TRABD2B: variants seen among roughly 807,000 people sequenced by gnomAD.
The protein encoded by TRABD2B is TraB domain containing 2B, also known as metalloprotease TIKI2.
Under a neutral mutation model 40.1 loss-of-function variants are expected in TRABD2B, and 14 were observed. The ratio of observed to expected loss-of-function variants is 0.35; its 90% CI spans 0.23 to 0.55. TRABD2B has a LOEUF of 0.55. TRABD2B is among the 20% of genes least tolerant of loss of function. TRABD2B has a pLI of 0.90. For synonymous variants in TRABD2B, 263 were observed against 277.0 expected, an observed-to-expected ratio of 0.95 and a Z score of 0.50; for missense variants, 541 against 648.6, an observed-to-expected ratio of 0.83 and a Z score of 1.80.
chr1:47,979,198 G>A (rs971957621), intron 2 of TRABD2B, among the ~76,000 whole-genome samples: 12 of 152,102 alleles, frequency 7.9e-5, no homozygotes, highest in African/African-American at 2.9e-4. Context: ...TGCGGGAAGG[G>A]GGCTTCCTGT....
At chr1:47,786,716 T>G (rs75059597) in intron 4 of TRABD2B, among the ~76,000 whole-genome samples, 1 of 150,856 alleles carries the variant, frequency 6.6e-6, no homozygotes, top group Non-Finnish European at 1.5e-5. Context: ...ATTTGTTTTG[T>G]TTTTTTTTAG....
At chr1:47,893,894 G>C (rs1644482771) in intron 2 of TRABD2B, among the ~76,000 whole-genome samples, 1 of 152,046 alleles carries the variant, frequency 6.6e-6, no homozygotes, top group African/African-American at 2.4e-5. Flanking sequence ...CTTTGGTGAT[G>C]GAATCACCAA....
chr1:47,775,866 G>T (rs1489618028), intron 5 of TRABD2B, among the ~76,000 whole-genome samples: 1 of 152,090 alleles, frequency 6.6e-6, no homozygotes, highest in Non-Finnish European at 1.5e-5. Context: ...AGGGAAGGTG[G>T]TCTGGTCACC....
intron 2 of TRABD2B, among the ~76,000 whole-genome samples, chr1:47,816,167 G>T (rs1163169445): frequency 6.6e-6 from 1 of 152,114 alleles, no homozygotes; most frequent in Non-Finnish European, 1.5e-5. Flanking sequence ...CTTGCTGCTG[G>T]AGGGCATGCA....
rs910489921 is a variant in TRABD2B, at chr1:47,761,629, G to C, written c.*4273C>G. 3.3e-5 allele frequency: 5 copies of C among 151,826 alleles called. No individual in the cohort carries two copies. Among genetic ancestry groups the C allele is most frequent in the African/African-American group, 1.2e-4 (5 of 41,274 alleles). The allele number at this position is 151,826 out of a possible 1,614,324, so 9.4% of individuals were successfully genotyped here. On this transcript the variant is annotated 3_prime_UTR_variant, in exon 7 of 7. Coordinates refer to ENST00000606738, the MANE Select transcript of TRABD2B (RefSeq NM_001194986.2). The stretch of plus-strand genomic sequence containing the variant: ...GTTCATAGAACTTGATCATTGCAGA[G>C]CCAGGAGGGACCCTCAATGTCATCT...
chr1:47,769,355 G>A (rs1296128650), intron 6 of TRABD2B, among the ~76,000 whole-genome samples: 1 of 152,192 alleles, frequency 6.6e-6, no homozygotes, highest in Non-Finnish European at 1.5e-5. Context: ...ATCAGAAGGC[G>A]AGACCAAGTA....
chr1:47,846,857 T>TATACACACACACACACACAC (rs374941615), intron 2 of TRABD2B, among the ~76,000 whole-genome samples: 12 of 106,384 alleles, frequency 1.1e-4, no homozygotes, highest in East Asian at 7.1e-4. Context: ...AAAACATGCA[T>TATACACACACACACACACAC]ACACACACAC....
chr1:47,798,662 C>G (rs74069685), intron 3 of TRABD2B, among the ~76,000 whole-genome samples: 3 of 152,270 alleles, frequency 2.0e-5, no homozygotes, highest in Admixed American at 6.5e-5. Context: ...GACCACATTG[C>G]TCTCCAGCTT....
intron 2 of TRABD2B, among the ~76,000 whole-genome samples, chr1:47,990,340 G>A (rs1199443616): frequency 1.3e-5 from 2 of 152,140 alleles, no homozygotes; most frequent in African/African-American, 4.8e-5. Flanking sequence ...AGTGGCAGCC[G>A]GTACCAGTCC....
At chr1:47,914,034 G>C (rs1644797149) in intron 2 of TRABD2B, among the ~76,000 whole-genome samples, 1 of 152,220 alleles carries the variant, frequency 6.6e-6, no homozygotes, top group South Asian at 2.1e-4. Flanking sequence ...CCTTGGTAAA[G>C]TGCTGGAACT....
rs77510211 is a variant in TRABD2B, at chr1:47,789,549, T to A, written c.988+5037A>T. ...AACTTCTTGTCCTGGTCAGTTCTTG[T>A]GGCCAATTTCTCTTATGTCAAATAG... is the stretch of plus-strand genomic sequence containing the variant. On this transcript the variant is annotated intron_variant, in intron 4 of 6. Coordinates refer to ENST00000606738, the MANE Select transcript of TRABD2B (RefSeq NM_001194986.2). 9.4e-4 allele frequency among the ~76,000 whole-genome samples: 143 copies of A among 152,314 alleles called. 1 individual carries two copies. In the Middle Eastern group the frequency reaches 0.014, roughly 14 times the overall value.
chr1:47,974,339 C>G (rs2148429190), intron 2 of TRABD2B, among the ~76,000 whole-genome samples: 1 of 152,176 alleles, frequency 6.6e-6, no homozygotes. Context: ...TCCTTCTACC[C>G]AAAATGTGCC....
intron 4 of TRABD2B, among the ~76,000 whole-genome samples, chr1:47,785,329 C>T (rs1644581205): frequency 6.6e-6 from 1 of 152,100 alleles, no homozygotes; most frequent in South Asian, 2.1e-4. Flanking sequence ...AGCTGAGGGT[C>T]GAAGAGCACT....
At chr1:47,874,252 A>ACTTTTTT (rs1461578175) in intron 2 of TRABD2B, among the ~76,000 whole-genome samples, 2 of 90,522 alleles carry the variant, frequency 2.2e-5, no homozygotes, top group African/African-American at 9.0e-5. Flanking sequence ...TGATTAATTA[A>ACTTTTTT]TTTTTTTTTT....
intron 2 of TRABD2B, among the ~76,000 whole-genome samples, chr1:47,964,781 C>T (rs1645574436): frequency 6.6e-6 from 1 of 152,044 alleles, no homozygotes; most frequent in Admixed American, 6.5e-5. Context: ...TTACTTCATC[C>T]AGTTTCTCTC....
intron 6 of TRABD2B, 49 bp from the exon 7 acceptor site, chr1:47,766,155 T>C (rs1644300028): frequency 1.4e-6 from 1 of 699,232 alleles, no homozygotes; most frequent in Admixed American, 2.0e-5. Flanking sequence ...AGCCTCGTCC[T>C]GGGCAGAAGC....
At position 47,976,204 on chromosome 1, in the gene TRABD2B, G is replaced by A. The variant is rs113087383; in HGVS notation, c.666+17830C>T. Reference sequence around the variant, plus strand: ...TTAGTAATGGCCCAAAGGAATATCTGGTGAGTGAATAAAACAGAGAATTAA... The same window carrying A: ...TTAGTAATGGCCCAAAGGAATATCTAGTGAGTGAATAAAACAGAGAATTAA... On this transcript the variant is annotated intron_variant, in intron 2 of 6. Transcript: ENST00000606738. 1.4e-3 allele frequency among the ~76,000 whole-genome samples: 213 copies of A among 152,222 alleles called. 1 individual carries two copies. The highest frequency in any genetic ancestry group is 4.9e-3 in the African/African-American group (204 of 41,526).
intron 4 of TRABD2B, among the ~76,000 whole-genome samples, chr1:47,793,553 G>A (rs1006837637): frequency 5.3e-5 from 8 of 152,258 alleles, no homozygotes; most frequent in African/African-American, 1.9e-4. Context: ...GGTGACAGGA[G>A]GGGAAGGGAA....
chr1:47,811,463 T>A (rs1644964139), intron 2 of TRABD2B, among the ~76,000 whole-genome samples: 1 of 152,136 alleles, frequency 6.6e-6, no homozygotes, highest in African/African-American at 2.4e-5. Flanking sequence ...TTCCTTCTTT[T>A]CTCTGAATGC....
Sources: allele counts gnomAD v4.1 joint callset (sites outside exome capture counted in the v4.1 genomes callset), GRCh38; gene constraint gnomAD v4.1.1; transcripts MANE v1.5; gene names NCBI Gene and HGNC (gene_info 2026-07-23, HGNC 2026-07-21).